THADA: variants seen among roughly 807,000 people sequenced by gnomAD.
THADA encodes tRNA (32-2'-O)-methyltransferase regulator THADA.
In THADA, 213 loss-of-function variants were observed where a neutral mutation model predicts 219.8. The ratio of observed to expected loss-of-function variants is 0.97; its 90% CI spans 0.87 to 1.09. THADA has a LOEUF of 1.09. THADA is among the 50% of genes least tolerant of loss of function. THADA has a pLI of 0.00. For synonymous variants in THADA, 1,018 were observed against 828.9 expected (o/e 1.23, Z -3.92); for missense variants, 2,956 against 2,311.3 (o/e 1.28, Z -5.72).
intron 36 of THADA, 24 bp downstream of exon 36, chr2:43,279,741 T>C (rs376055428): frequency 6.5e-7 from 1 of 1,543,592 alleles, no homozygotes; most frequent in Non-Finnish European, 8.7e-7. Context: ...GATAAGACAA[T>C]GCAAAAGGAT....
At chr2:43,357,331 T>C (rs1027182742) in intron 29 of THADA, among the ~76,000 whole-genome samples, 1 of 152,118 alleles carries the variant, frequency 6.6e-6, no homozygotes, top group Non-Finnish European at 1.5e-5. Context: ...ATACTCTCAG[T>C]CATCACTGGT....
At chr2:43,462,148 C>T (rs948780579) in intron 26 of THADA, among the ~76,000 whole-genome samples, 3 of 152,022 alleles carry the variant, frequency 2.0e-5, no homozygotes, top group Non-Finnish European at 4.4e-5. Context: ...AATAAGGAAC[C>T]AAATAACATT....
At chr2:43,248,158 T>TAGAGAGAGAGAGAGAGAGAG in intron 36 of THADA, among the ~76,000 whole-genome samples, 1 of 65,188 alleles carries the variant, frequency 1.5e-5, no homozygotes, top group Non-Finnish European at 2.7e-5. Context: ...TATATATATA[T>TAGAGAGAGAGAGAGAGAGAG]ATATATAGAG....
chr2:43,451,626 A>G lies in THADA; in HGVS notation c.3837-21324T>C, dbSNP rs1682350939. ...GCTATTTTTTTTAGAACTTCCCACA[A>G]ATCCTGCCCCTTCTTTTTCAGCCAT... On this transcript the variant is annotated intron_variant, in intron 26 of 37. Coordinates refer to ENST00000405975, the MANE Select transcript of THADA (RefSeq NM_022065.5). 2.6e-5 allele frequency among the ~76,000 whole-genome samples: 4 copies of G among 152,072 alleles called. No individual in the cohort carries two copies. The South Asian group carries it at 8.3e-4, about 32-fold the overall frequency.
chr2:43,297,384 A>AGCCACCCCTTCCC (rs1406221554), intron 31 of THADA, among the ~76,000 whole-genome samples: 1 of 88,450 alleles, frequency 1.1e-5, no homozygotes. Flanking sequence ...TCTGCCCGGC[A>AGCCACCCCTTCCC]GCCACCCCAT....
At chr2:43,382,254 A>T (rs577081435) in intron 29 of THADA, among the ~76,000 whole-genome samples, 7 of 152,218 alleles carry the variant, frequency 4.6e-5, no homozygotes, top group Non-Finnish European at 7.3e-5. Flanking sequence ...GTAATGTACC[A>T]ATTTCTTCCT....
intron 31 of THADA, among the ~76,000 whole-genome samples, chr2:43,307,353 A>G (rs1337258529): frequency 6.6e-6 from 1 of 152,230 alleles, no homozygotes; most frequent in Non-Finnish European, 1.5e-5. Context: ...AAATCTGTAT[A>G]GTGAGAGAGC....
chr2:43,573,924 A>G (rs964929259), intron 11 of THADA, among the ~76,000 whole-genome samples: 2 of 152,192 alleles, frequency 1.3e-5, no homozygotes, highest in African/African-American at 4.8e-5. Context: ...TTCCCCAGAG[A>G]AAAAAACTTG....
At chr2:43,276,079 G>A (rs1226533324) in intron 36 of THADA, among the ~76,000 whole-genome samples, 2 of 152,220 alleles carry the variant, frequency 1.3e-5, no homozygotes, top group East Asian at 1.9e-4. Context: ...TCAGAGCAGG[G>A]AAAGGAGGAA....
rs1572916670 is a variant in THADA at position 43,286,793 on chromosome 2, G to C, written c.5164+115C>G. The C allele has an allele frequency of 1.9e-5, 22 of 1,175,008 alleles. No individual in the cohort carries two copies. The South Asian group carries it at 2.3e-4, about 12-fold the overall frequency. The allele number at this position is 1,175,008 out of a possible 1,614,324, so 72.8% of individuals were successfully genotyped here. A position where few individuals can be genotyped will look rare whatever the true frequency, so the allele number is the denominator to read the frequency against. ...TAAGACGGTAGGAATATAACTGAAAGACATAAAGGCAGGTGTCATGTTGCC... is the reference window on the plus strand; with the variant it reads ...TAAGACGGTAGGAATATAACTGAAACACATAAAGGCAGGTGTCATGTTGCC... On this transcript the variant is annotated intron_variant, in intron 35 of 37. Coordinates refer to ENST00000405975, the MANE Select transcript of THADA (RefSeq NM_022065.5).
intron 15 of THADA, chr2:43,564,738 C>T (rs1574279340): frequency 6.6e-6 from 1 of 152,348 alleles, no homozygotes; most frequent in South Asian, 2.1e-4. Flanking sequence ...ATCATCAATA[C>T]TCTAATAGGA....
rs561934643 is a variant in THADA at position 43,447,492 on chromosome 2, T to C, written c.3837-17190A>G. Among the ~76,000 whole-genome samples, 11 of 152,300 alleles carry C rather than the reference T, an allele frequency of 7.2e-5. No individual in the cohort carries two copies. The East Asian group carries it at 1.7e-3, about 24-fold the overall frequency. On this transcript the variant is annotated intron_variant, in intron 26 of 37. Transcript: ENST00000405975. ...CAAAGATCCCCTTTCCCTTACAAGATAGCATTTATAGATTCTGGGAATTAG... is the reference window on the plus strand; with the variant it reads ...CAAAGATCCCCTTTCCCTTACAAGACAGCATTTATAGATTCTGGGAATTAG...
rs1672647835 is a variant in THADA, at chr2:43,275,640, C to G, written c.5296+4125G>C. Reference sequence around the variant, plus strand: ...CTAAGCCACACCAGATAACTTGCATCAGAGTGAAAGAGCTCTGCAAAAAGA... The same window carrying G: ...CTAAGCCACACCAGATAACTTGCATGAGAGTGAAAGAGCTCTGCAAAAAGA... On this transcript the variant is annotated intron_variant, in intron 36 of 37. Transcript: ENST00000405975. Among the ~76,000 whole-genome samples the G allele has an allele frequency of 2.6e-5, 4 of 152,206 alleles. No individual in the cohort carries two copies. The South Asian group carries it at 8.3e-4, about 32-fold the overall frequency.
chr2:43,365,646 G>T (rs1463176754), intron 29 of THADA, among the ~76,000 whole-genome samples: 1 of 151,658 alleles, frequency 6.6e-6, no homozygotes, highest in East Asian at 1.9e-4. Context: ...AGTTGTCCAA[G>T]CAAAAGATGA....
intron 17 of THADA, among the ~76,000 whole-genome samples, chr2:43,555,758 T>C (rs1036288705): frequency 6.6e-6 from 1 of 152,186 alleles, no homozygotes; most frequent in African/African-American, 2.4e-5. Flanking sequence ...ACTCTCTTTC[T>C]ATATCTGATC....
At chr2:43,302,452 AC>A (rs1416112069) in intron 31 of THADA, among the ~76,000 whole-genome samples, 1 of 148,480 alleles carries the variant, frequency 6.7e-6, no homozygotes, top group Non-Finnish European at 1.5e-5. Context: ...TTTGGAATTA[AC>A]TTTTTTTTTT....
At chr2:43,538,576 G>C (rs899990010) in intron 21 of THADA, 3 of 152,000 alleles carry the variant, frequency 2.0e-5, no homozygotes, top group Non-Finnish European at 4.4e-5. Flanking sequence ...CCTGGATATG[G>C]GAAATACAGA....
intron 36 of THADA, among the ~76,000 whole-genome samples, chr2:43,266,587 A>C (rs1671546076): frequency 6.6e-6 from 1 of 152,116 alleles, no homozygotes; most frequent in Non-Finnish European, 1.5e-5. Context: ...TGGGCGACAA[A>C]GTGAGACTCC....
intron 8 of THADA, 21 bp from the exon 9 acceptor site, chr2:43,578,628 G>C (rs1700104113): frequency 6.5e-7 from 1 of 1,534,250 alleles, no homozygotes; most frequent in Non-Finnish European, 8.9e-7. Context: ...AAAAAGGAGA[G>C]AAGCTTGTGT....
Sources: allele counts gnomAD v4.1 joint callset (sites outside exome capture counted in the v4.1 genomes callset), GRCh38; gene constraint gnomAD v4.1.1; transcripts MANE v1.5; gene names NCBI Gene and HGNC (gene_info 2026-07-23, HGNC 2026-07-21).